The following SACS variants were observed in gnomAD, a reference collection of about 807,000 sequenced individuals.
The protein encoded by SACS is sacsin molecular chaperone.
SACS carries 197 observed loss-of-function variants against 348.0 expected under a neutral mutation model. That is an observed-to-expected ratio of 0.57 (90% CI 0.50 to 0.64). The LOEUF (loss-of-function observed/expected upper bound fraction) is 0.64. Ranked by LOEUF, SACS falls within the 30% of genes least tolerant of loss-of-function variation. The pLI is 0.00. For missense variants in SACS, 4,999 were observed against 5,360.8 expected (o/e 0.93, Z 2.11); for synonymous variants, 1,985 against 1,910.6 (o/e 1.04, Z -1.02).
rs1883638055 is a variant in SACS at position 23,333,702 on chromosome 13, T to A, written c.10174A>T (p.Asn3392Tyr). The A allele has an allele frequency of 6.2e-7, 1 of 1,613,826 alleles. No homozygotes were observed. Among genetic ancestry groups the A allele is most frequent in the Non-Finnish European group, 8.5e-7 (1 of 1,179,770 alleles). ...NDFEALLMYF[N>Y]CNLNHLMSQD... The stretch of plus-strand genomic sequence containing the variant: ...GACATCAAATGATTCAAATTGCAGT[T>A]GAAATACATCAAAAGTGCCTCAAAA... Residue 3392 changes from asparagine to tyrosine, a missense_variant, in exon 10 of 10, where the codon AAC becomes TAC. Coordinates refer to ENST00000382292, the MANE Select transcript of SACS (RefSeq NM_014363.6).
chr13:23,380,146 TGTGA>T (rs1286051317), intron 2 of SACS, among the ~76,000 whole-genome samples: 9 of 151,302 alleles, frequency 5.9e-5, no homozygotes, highest in African/African-American at 1.2e-4. Flanking sequence ...TGTGTGTGTG[TGTGA>T]GAGAGAGAGA....
chr13:23,380,087 G>A (rs551101479), intron 2 of SACS, among the ~76,000 whole-genome samples: 1 of 151,438 alleles, frequency 6.6e-6, no homozygotes, highest in East Asian at 1.9e-4. Flanking sequence ...TGCTCTTGAG[G>A]AAGGTCTCAC....
chr13:23,412,140 T>C (rs1028286723), intron 1 of SACS, among the ~76,000 whole-genome samples: 14 of 152,048 alleles, frequency 9.2e-5, no homozygotes, highest in Non-Finnish European at 1.8e-4. Context: ...GCGCCTGTAG[T>C]CCCAGCTACT....
In SACS at chr13:23,336,570, T is replaced by C. The variant is rs567650774; in HGVS notation, c.7306A>G (p.Ile2436Val). The change falls in exon 10 of 10, where the codon ATT (isoleucine) becomes GTT (valine). Residue 2436 changes from isoleucine to valine, a missense_variant. Physicochemically the swap from Ile to Val is conservative, Grantham distance 29. Transcript: ENST00000382292. Reference sequence around the variant, plus strand: ...CAAAATTCTTGTTTCTTTTCTCTAATGAGACTCCATATTCCTTCACTGATT... The same window carrying C: ...CAAAATTCTTGTTTCTTTTCTCTAACGAGACTCCATATTCCTTCACTGATT... ...RIISEGIWSLIREKKQEFCEK... is the reference protein window; with the variant it reads ...RIISEGIWSLVREKKQEFCEK... 3 of 1,613,692 alleles carry C rather than the reference T, an allele frequency of 1.9e-6. No homozygotes were observed. Among genetic ancestry groups the C allele is most frequent in the South Asian group, 2.2e-5 (2 of 91,060 alleles).
rs1167474602 is a variant in SACS at position 23,341,175 on chromosome 13, C to CT, written c.2700dup (p.Asp901ArgfsTer9). On this transcript the variant is annotated frameshift_variant, in exon 10 of 10. Transcript: ENST00000382292. LOFTEE classifies it high-confidence loss of function. ...CTAGCCAAGAACTTCCTCAGGGCAT[C>CT]TTTGTGTGTTGGAAGTAGCGAAGTT... 6.2e-7 allele frequency: 1 copy of CT among 1,613,472 alleles called. No homozygotes were observed. The highest frequency in any genetic ancestry group is 8.5e-7 in the Non-Finnish European group (1 of 1,180,020).
chr13:23,409,350 G>A (rs1873388372), intron 2 of SACS, among the ~76,000 whole-genome samples: 2 of 134,354 alleles, frequency 1.5e-5, no homozygotes, highest in Non-Finnish European at 3.2e-5. Context: ...CCACCGCGCT[G>A]GCCGTTTTTT....
intron 4 of SACS, among the ~76,000 whole-genome samples, chr13:23,370,681 G>C (rs1184331659): frequency 6.6e-6 from 1 of 152,116 alleles, no homozygotes; most frequent in East Asian, 1.9e-4. Flanking sequence ...ACTCAATCTC[G>C]GCTGGGAGCG....
chr13:23,375,626 G>C (rs994025084), intron 2 of SACS: 4 of 943,876 alleles, frequency 4.2e-6, no homozygotes, highest in Non-Finnish European at 5.1e-6. Flanking sequence ...CGCCGGGACC[G>C]TTAGCTGGGG....
intron 6 of SACS, among the ~76,000 whole-genome samples, chr13:23,361,034 C>T (rs7987902): frequency 0.29 from 44,674 of 151,994 alleles, 6,850 homozygotes; most frequent in East Asian, 0.46. Flanking sequence ...GGATTACAGG[C>T]GTGAGCCCCC....
Position 23,369,861 on chromosome 13 carries a change from CT to C in SACS, c.259+1216del, listed in dbSNP as rs879508762. On this transcript the variant is annotated intron_variant, in intron 4 of 9. Transcript: ENST00000382292. ...TGCCCAGCCTATCCCACTCACACTT[CT>C]TTTTTTTTTTTTTTGAGACGGAGTC... Among the ~76,000 whole-genome samples, 909 of 136,112 alleles carry C rather than the reference CT, an allele frequency of 6.7e-3. 1 individual carries two copies. Among genetic ancestry groups the C allele is most frequent in the South Asian group, 0.016 (65 of 4,188 alleles). 89.3% of individuals were successfully genotyped at this position (136,112 alleles called of 152,430 possible).
intron 2 of SACS, among the ~76,000 whole-genome samples, chr13:23,399,098 GC>G (rs1473335917): frequency 6.7e-6 from 1 of 148,452 alleles, no homozygotes; most frequent in Non-Finnish European, 1.5e-5. Context: ...TCTTGGACAA[GC>G]CCCTCATTCT....
Position 23,333,586 on chromosome 13 carries a change from G to T in SACS, c.10290C>A (p.Tyr3430Ter). ...YVSIGKFGTCYVLTKSIPSAE... is the reference protein window; with the variant it reads ...YVSIGKFGTC ...CTGAAGGGATACTTTTTGTAAGTAC[G>T]TAGCATGTTCCAAATTTTCCAATGC... The change falls in exon 10 of 10, where the codon TAC becomes TAA. Residue 3430 changes from tyrosine to a stop codon, truncating the protein, a stop_gained. Transcript: ENST00000382292. LOFTEE classifies it high-confidence loss of function. 6.2e-7 allele frequency: 1 copy of T among 1,613,564 alleles called. No individual in the cohort carries two copies.
Position 23,337,150 on chromosome 13 carries a change from T to G in SACS, c.6726A>C (p.Ala2242=). 1 of 1,614,022 alleles carries G rather than the reference T, an allele frequency of 6.2e-7. No homozygotes were observed. Among genetic ancestry groups the G allele is most frequent in the Non-Finnish European group, 8.5e-7 (1 of 1,179,916 alleles). ...GATGTTCAGCTGTATAAAGGTCAGT[T>G]GCTGCAAACATGGTTTCAGGCTTAA... The part of the protein sequence containing the change: ...NSFKPETMFA[A]TDLYTAEHQD... The change falls in exon 10 of 10, where the codon GCA becomes GCC. Residue 2242 remains alanine (A), a synonymous_variant. Transcript: ENST00000382292.
chr13:23,333,139 C>T lies in SACS; in HGVS notation c.10737G>A (p.Met3579Ile), dbSNP rs199970621. Residue 3579 changes from methionine to isoleucine, a missense_variant, in exon 10 of 10, where the codon ATG becomes ATA. By Grantham distance (10) the Met-to-Ile change is conservative. Around this residue, in one of 6 missense-constraint regions of SACS, gnomAD observed 831 missense variants for 941.8 expected, o/e 0.88. Transcript: ENST00000382292. The part of the protein sequence containing the change: ...LIKPKNHVTF[M>I]TSWVEFLRNI... ...TTCTTAAGAATTCCACCCAGGATGTCATAAATGTAACATGATTTTTGGGTT... is the reference window on the plus strand; with the variant it reads ...TTCTTAAGAATTCCACCCAGGATGTTATAAATGTAACATGATTTTTGGGTT... The T allele has an allele frequency of 4.2e-5, 68 of 1,612,918 alleles. No homozygotes were observed. Among genetic ancestry groups the T allele is most frequent in the Middle Eastern group, 1.7e-4 (1 of 6,058 alleles).
In SACS at chr13:23,358,200, T is replaced by TACC. The variant is rs560593954; in HGVS notation, c.604+132_604+134dup. ...AGTATGCACTGATATTTCATTGACA[T>TACC]ACCTCCTGCTACTGACAGAAGAATT... On this transcript the variant is annotated intron_variant, in intron 7 of 9. Transcript: ENST00000382292. 7.5e-4 allele frequency: 658 copies of TACC among 878,582 alleles called. 2 individuals carry two copies. The African/African-American group carries it at 8.9e-3, about 12-fold the overall frequency. 54.4% of individuals were successfully genotyped at this position (878,582 alleles called of 1,614,324 possible). A position where few individuals can be genotyped will look rare whatever the true frequency, so the allele number is the denominator to read the frequency against.
intron 9 of SACS, among the ~76,000 whole-genome samples, chr13:23,342,585 T>C (rs1279981172): frequency 6.6e-5 from 10 of 152,174 alleles, no homozygotes; most frequent in African/African-American, 9.6e-5. Flanking sequence ...TGAGCATTTC[T>C]TTTGAGTGTC....
chr13:23,402,178 G>GA (rs34188080), intron 2 of SACS, among the ~76,000 whole-genome samples: 159 of 102,984 alleles, frequency 1.5e-3, no homozygotes, highest in Admixed American at 2.3e-3. Flanking sequence ...ACTCCATCTC[G>GA]AAAAAAAAAA....
chr13:23,411,387 A>G lies in SACS; in HGVS notation c.-148T>C. Reference sequence around the variant, plus strand: ...GGAAAAAAAGCCTGTTTTTCCCTTCAGTGTCCATTCATCATCTGATGTCAG... The same window carrying G: ...GGAAAAAAAGCCTGTTTTTCCCTTCGGTGTCCATTCATCATCTGATGTCAG... On this transcript the variant is annotated 5_prime_UTR_variant, in exon 2 of 10. It removes the in-frame stop codon of an upstream open reading frame in the 5' UTR. Transcript: ENST00000382292. 1.4e-6 allele frequency: 1 copy of G among 728,338 alleles called. No homozygotes were observed. Among genetic ancestry groups the G allele is most frequent in the Non-Finnish European group, 2.5e-6 (1 of 406,480 alleles). 45.1% of individuals were successfully genotyped at this position (728,338 alleles called of 1,614,324 possible). A position where few individuals can be genotyped will look rare whatever the true frequency, so the allele number is the denominator to read the frequency against.
At chr13:23,409,247 A>G (rs193059308) in intron 2 of SACS, among the ~76,000 whole-genome samples, 293 of 148,974 alleles carry the variant, frequency 2.0e-3, no homozygotes, top group African/African-American at 6.9e-3. Context: ...AGTAGAGACA[A>G]GGTTTCACTG....
Sources: gnomAD v4.1 joint callset for allele counts (sites outside exome capture counted in the v4.1 genomes callset) on GRCh38, gnomAD v4.1.1 for gene constraint, gnomAD v4.1.1 regional missense constraint, MANE v1.5 for transcripts, NCBI Gene and HGNC (gene_info 2026-07-23, HGNC 2026-07-21) for gene names.